AFG2A: variants seen among roughly 807,000 people sequenced by gnomAD.
AFG2A encodes the protein AAA ATPase AFG2A.
At chr4:123,255,810 G>T in the AFG2A span, among the ~76,000 whole-genome samples, 4 of 139,390 alleles carry the variant, frequency 2.9e-5, no homozygotes, top group South Asian at 9.7e-4. Flanking sequence ...GTGAGCCACC[G>T]CGCCCAGCCT....
At chr4:123,157,738 A>C in the AFG2A span, among the ~76,000 whole-genome samples, 1 of 152,224 alleles carries the variant, frequency 6.6e-6, no homozygotes, top group African/African-American at 2.4e-5. Flanking sequence ...TCAATATCAC[A>C]AAATGTGTGG....
the AFG2A span, among the ~76,000 whole-genome samples, chr4:123,219,017 GGCTCATGTGATA>G: frequency 6.6e-6 from 1 of 152,174 alleles, no homozygotes; most frequent in Non-Finnish European, 1.5e-5. Context: ...AGGGAGCACT[GGCTCATGTGATA>G]ACACTGTGAA....
At chr4:122,935,791 A>G in the AFG2A span, 1 of 1,613,228 alleles carries the variant, frequency 6.2e-7, no homozygotes, top group Middle Eastern at 1.7e-4. Flanking sequence ...GGCTGTTGCT[A>G]ATGAAGTTGG....
the AFG2A span, among the ~76,000 whole-genome samples, chr4:123,252,882 T>C: frequency 6.6e-6 from 1 of 152,254 alleles, no homozygotes; most frequent in Non-Finnish European, 1.5e-5. Flanking sequence ...CAGTATGTAC[T>C]CTCTTATGTC....
the AFG2A span, among the ~76,000 whole-genome samples, chr4:123,162,306 A>G: frequency 1.3e-5 from 2 of 152,256 alleles, no homozygotes; most frequent in Non-Finnish European, 2.9e-5. Context: ...TTGAACATTC[A>G]GTTAACTCCA....
the AFG2A span, among the ~76,000 whole-genome samples, chr4:123,062,699 C>T: frequency 2.0e-5 from 3 of 152,076 alleles, no homozygotes; most frequent in East Asian, 5.8e-4. Flanking sequence ...GTAGTGGTAA[C>T]AAAATGCTTA....
chr4:123,045,841 A>G, the AFG2A span, among the ~76,000 whole-genome samples: 2 of 152,134 alleles, frequency 1.3e-5, no homozygotes, highest in African/African-American at 4.8e-5. Context: ...CATGCCTGTA[A>G]TCCCAGCACT....
the AFG2A span, among the ~76,000 whole-genome samples, chr4:123,057,761 T>C: frequency 6.6e-6 from 1 of 152,102 alleles, no homozygotes; most frequent in East Asian, 1.9e-4. Context: ...TGCTCCAAAA[T>C]CTCAGGCAGT....
chr4:123,106,920 GCA>G, the AFG2A span, among the ~76,000 whole-genome samples: 1 of 152,252 alleles, frequency 6.6e-6, no homozygotes, highest in Non-Finnish European at 1.5e-5. Context: ...CTGCCACTAT[GCA>G]CAGTCAGGCA....
At chr4:122,992,093 A>G in the AFG2A span, among the ~76,000 whole-genome samples, 2 of 152,250 alleles carry the variant, frequency 1.3e-5, no homozygotes, top group Admixed American at 6.5e-5. Context: ...ACATACAGTA[A>G]CATTTTGAAT....
the AFG2A span, among the ~76,000 whole-genome samples, chr4:123,234,647 A>C: frequency 1.3e-5 from 2 of 152,166 alleles, no homozygotes; most frequent in Non-Finnish European, 2.9e-5. Flanking sequence ...ATATCAAATG[A>C]AGAAAAAGTA....
chr4:123,180,074 G>A, the AFG2A span, among the ~76,000 whole-genome samples: 1 of 151,892 alleles, frequency 6.6e-6, no homozygotes, highest in South Asian at 2.1e-4. Flanking sequence ...ACAAAAATTA[G>A]CTGGGCATGG....
chr4:123,294,404 G>A, the AFG2A span, among the ~76,000 whole-genome samples: 3 of 152,128 alleles, frequency 2.0e-5, no homozygotes, highest in Non-Finnish European at 4.4e-5. Flanking sequence ...ATGAGGCCAA[G>A]GACAAAGTAC....
At chr4:122,932,430 C>T in the AFG2A span, among the ~76,000 whole-genome samples, 4 of 151,946 alleles carry the variant, frequency 2.6e-5, no homozygotes, top group South Asian at 2.1e-4. Flanking sequence ...TGAGCTCAAG[C>T]GGTCCACCCA....
chr4:123,289,889 A>C, the AFG2A span, among the ~76,000 whole-genome samples: 2 of 151,754 alleles, frequency 1.3e-5, no homozygotes, highest in Non-Finnish European at 2.9e-5. Flanking sequence ...TCCAGGGTAC[A>C]TGTACATGTT....
At chr4:122,998,391 A>G in the AFG2A span, among the ~76,000 whole-genome samples, 1 of 152,052 alleles carries the variant, frequency 6.6e-6, no homozygotes, top group African/African-American at 2.4e-5. Context: ...TACATGTGCC[A>G]TGCTGGTGTG....
the AFG2A span, among the ~76,000 whole-genome samples, chr4:122,946,371 A>G: frequency 6.6e-6 from 1 of 152,182 alleles, no homozygotes; most frequent in Admixed American, 6.5e-5. Context: ...TGGGCAAGGA[A>G]TGGAAACATG....
At chr4:122,963,321 AT>A in the AFG2A span, among the ~76,000 whole-genome samples, 5 of 152,214 alleles carry the variant, frequency 3.3e-5, no homozygotes, top group Admixed American at 3.3e-4. Context: ...GTTAAAAAAT[AT>A]TTGGTATAGG....
chr4:123,238,284 G>A, the AFG2A span, among the ~76,000 whole-genome samples: 1 of 152,232 alleles, frequency 6.6e-6, no homozygotes, highest in African/African-American at 2.4e-5. Context: ...AACTTCTGCA[G>A]ACTTAAACGT....
Sources: gnomAD v4.1 joint callset for allele counts (sites outside exome capture counted in the v4.1 genomes callset) on GRCh38, gnomAD v4.1.1 for gene constraint, MANE v1.5 for transcripts, NCBI Gene and HGNC (gene_info 2026-07-23, HGNC 2026-07-21) for gene names.